Variants in RNF220 observed in about 807,000 individuals in gnomAD.
The protein encoded by RNF220 is E3 ubiquitin-protein ligase RNF220.
A neutral mutation model predicts 67.1 loss-of-function variants in RNF220; 7 were observed. The observed-to-expected ratio is 0.10, with a 90% CI of 0.06 to 0.20. RNF220 has a LOEUF of 0.20. Ranked by LOEUF, RNF220 falls within the 10% of genes least tolerant of loss-of-function variation. The pLI is 1.00. For missense variants in RNF220, 565 were observed against 740.3 expected (o/e 0.76, Z 2.75); for synonymous variants, 270 against 283.2 (o/e 0.95, Z 0.47).
chr1:44,518,889 C>A lies in RNF220; in HGVS notation c.626-95276C>A, dbSNP rs1207592199. Among the ~76,000 whole-genome samples, 424 of 141,058 alleles carry A rather than the reference C, an allele frequency of 3.0e-3. 3 individuals carry two copies. The highest frequency in any genetic ancestry group is 3.6e-3 in the Non-Finnish European group (232 of 64,624). 92.5% of individuals were successfully genotyped at this position (141,058 alleles called of 152,430 possible). The stretch of plus-strand genomic sequence containing the variant: ...GACTCCGTCTAAAAAACAAAAAAAA[C>A]AAAAAAAAAAAAACTTAATCCTGAT... On this transcript the variant is annotated intron_variant, in intron 2 of 14. Coordinates refer to ENST00000361799, the MANE Select transcript of RNF220 (RefSeq NM_018150.4).
chr1:44,578,899 C>T (rs1665026390), intron 2 of RNF220, among the ~76,000 whole-genome samples: 1 of 152,190 alleles, frequency 6.6e-6, no homozygotes, highest in East Asian at 1.9e-4. Flanking sequence ...GGTGCGGTGG[C>T]TCACGCCTGT....
chr1:44,558,531 G>A (rs1424803466), intron 2 of RNF220, among the ~76,000 whole-genome samples: 1 of 152,208 alleles, frequency 6.6e-6, no homozygotes, highest in Admixed American at 6.5e-5. Flanking sequence ...TATTAAACAT[G>A]TCCTATATGC....
rs373810166 is a variant in RNF220, at chr1:44,638,046, G to A, written c.1126+1884G>A. On this transcript the variant is annotated intron_variant, in intron 8 of 14. Coordinates refer to ENST00000361799, the MANE Select transcript of RNF220 (RefSeq NM_018150.4). ...GCGGAGGAGGCTGAGGCTCCTCAGT[G>A]GGGGGGCTATCAAAGGGAGGCCCTG... 3.3e-5 allele frequency among the ~76,000 whole-genome samples: 5 copies of A among 152,308 alleles called. No homozygotes were observed. In the East Asian group the frequency reaches 7.7e-4, roughly 23 times the overall value.
chr1:44,523,413 G>T (rs552701085), intron 2 of RNF220, among the ~76,000 whole-genome samples: 6 of 152,324 alleles, frequency 3.9e-5, no homozygotes, highest in African/African-American at 1.4e-4. Flanking sequence ...AACCCTAGTT[G>T]GGAGCCTCCA....
At chr1:44,536,022 G>T (rs923935975) in intron 2 of RNF220, among the ~76,000 whole-genome samples, 1 of 152,186 alleles carries the variant, frequency 6.6e-6, no homozygotes, top group African/African-American at 2.4e-5. Context: ...TTAAGCAAGG[G>T]TGCTCTTTTC....
intron 2 of RNF220, among the ~76,000 whole-genome samples, chr1:44,520,740 T>G (rs1659868156): frequency 6.6e-6 from 1 of 152,246 alleles, no homozygotes. Flanking sequence ...TTCTCATCTG[T>G]TTCCTAAACT....
In RNF220 at chr1:44,635,539, G is replaced by A. The variant is rs777997600; in HGVS notation, c.950-6G>A. 23 of 1,613,556 alleles carry A rather than the reference G, an allele frequency of 1.4e-5. No individual in the cohort carries two copies. Among genetic ancestry groups the A allele is most frequent in the South Asian group, 5.5e-5 (5 of 91,034 alleles). ...TCTGTGCTTTGTTTTCGGTTTCCCC[G>A]TGCAGCTCGGATTGGGAAAATGAAA... is the stretch of plus-strand genomic sequence containing the variant. On this transcript the variant is annotated splice_polypyrimidine_tract_variant and splice_region_variant and intron_variant, in intron 6 of 14. Transcript: ENST00000361799.
chr1:44,545,489 A>G (rs1272609849), intron 2 of RNF220: 1 of 154,232 alleles, frequency 6.5e-6, no homozygotes, highest in African/African-American at 2.4e-5. Context: ...TCCAAGATCC[A>G]TAACAGGGAA....
intron 2 of RNF220, among the ~76,000 whole-genome samples, chr1:44,457,373 A>G (rs1364274229): frequency 6.6e-6 from 1 of 152,238 alleles, no homozygotes. Context: ...GAAAAAATGA[A>G]TGAAAAAAAT....
intron 1 of RNF220, among the ~76,000 whole-genome samples, chr1:44,411,213 T>C (rs757798245): frequency 9.9e-5 from 15 of 152,238 alleles, no homozygotes; most frequent in Non-Finnish European, 2.1e-4. Flanking sequence ...GCACCCATTA[T>C]GGTTTTAAGT....
At chr1:44,475,916 G>A (rs548096632) in intron 2 of RNF220, among the ~76,000 whole-genome samples, 1 of 151,442 alleles carries the variant, frequency 6.6e-6, no homozygotes, top group South Asian at 2.1e-4. Context: ...GGAGGCTGAG[G>A]TAGGAGAATC....
At chr1:44,545,920 C>A (rs972109105) in intron 2 of RNF220, among the ~76,000 whole-genome samples, 2 of 152,112 alleles carry the variant, frequency 1.3e-5, no homozygotes. Flanking sequence ...CCACGCCCGG[C>A]TAATTTTCTA....
At chr1:44,524,238 C>T (rs1416776376) in intron 2 of RNF220, among the ~76,000 whole-genome samples, 1 of 152,078 alleles carries the variant, frequency 6.6e-6, no homozygotes, top group Non-Finnish European at 1.5e-5. Context: ...GGCCCTCTCT[C>T]CTGCGAACTG....
chr1:44,581,830 T>C (rs1163927611), intron 2 of RNF220, among the ~76,000 whole-genome samples: 2 of 152,200 alleles, frequency 1.3e-5, no homozygotes, highest in Non-Finnish European at 2.9e-5. Context: ...CTCTTCTTGC[T>C]CCATTCTTGT....
At position 44,412,612 on chromosome 1, in the gene RNF220, G is replaced by A. The variant is rs1224894239; in HGVS notation, c.515G>A (p.Ser172Asn). Residue 172 changes from serine to asparagine, a missense_variant, in exon 2 of 15, where the codon AGC (serine) becomes AAC (asparagine). By Grantham distance (46) the Ser-to-Asn change is conservative. Transcript: ENST00000361799. This position sits in a 1 kb window ranked among gnomAD's most constrained non-coding sequence, Gnocchi z 5.3. ...GACTTTGGGACACAGCTGCCATCTA[G>A]CTCCCCCGGTTCACTAAAGGTTGAT... The part of the protein sequence containing the change: ...EYDFGTQLPS[S>N]SPGSLKVDDT... 6.2e-7 allele frequency: 1 copy of A among 1,614,050 alleles called. No homozygotes were observed. The highest frequency in any genetic ancestry group is 1.3e-5 in the African/African-American group (1 of 74,918).
intron 2 of RNF220, among the ~76,000 whole-genome samples, chr1:44,510,107 T>C (rs1168265988): frequency 6.6e-6 from 1 of 150,786 alleles, no homozygotes; most frequent in Non-Finnish European, 1.5e-5. Context: ...GGCATAGTGG[T>C]GTGCACCTGT....
intron 2 of RNF220, among the ~76,000 whole-genome samples, chr1:44,435,271 A>T (rs1650848031): frequency 6.6e-6 from 1 of 152,204 alleles, no homozygotes; most frequent in Admixed American, 6.5e-5. Context: ...GATACTTCTT[A>T]GCTATGTTGC....
intron 2 of RNF220, among the ~76,000 whole-genome samples, chr1:44,475,271 G>A (rs981313076): frequency 2.0e-5 from 3 of 152,140 alleles, no homozygotes; most frequent in Admixed American, 2.0e-4. Flanking sequence ...TATTTTTTAA[G>A]TTAAAATAAA....
chr1:44,472,389 G>GT (rs60962560), intron 2 of RNF220, among the ~76,000 whole-genome samples: 34,597 of 151,920 alleles, frequency 0.23, 4,299 homozygotes, highest in East Asian at 0.49. Flanking sequence ...TTTCTGGTTT[G>GT]TTTTTTTGTT....
Sources: allele counts gnomAD v4.1 joint callset (sites outside exome capture counted in the v4.1 genomes callset), GRCh38; gene constraint gnomAD v4.1.1; non-coding constraint Gnocchi (gnomAD v3.1); transcripts MANE v1.5; gene names NCBI Gene and HGNC (gene_info 2026-07-23, HGNC 2026-07-21).